Variants in ITFG1 observed in about 807,000 individuals in gnomAD.
ITFG1 encodes integrin alpha FG-GAP repeat containing 1, also known as T-cell immunomodulatory protein.
A neutral mutation model predicts 81.8 loss-of-function variants in ITFG1; 34 were observed. The observed-to-expected ratio is 0.42, with a 90% CI of 0.32 to 0.55. ITFG1 has a LOEUF of 0.55. Ranked by LOEUF, ITFG1 falls within the 20% of genes least tolerant of loss-of-function variation. The probability of loss-of-function intolerance (pLI) is 0.17; values close to 1 mark genes in which losing one functional copy is unlikely to be tolerated. For missense variants in ITFG1, 672 were observed against 755.4 expected, an observed-to-expected ratio of 0.89 and a Z score of 1.29; for synonymous variants, 285 against 270.6, an observed-to-expected ratio of 1.05 and a Z score of -0.52.
chr16:47,281,123 T>TG (rs1966447287), intron 10 of ITFG1, among the ~76,000 whole-genome samples: 1 of 152,140 alleles, frequency 6.6e-6, no homozygotes, highest in Non-Finnish European at 1.5e-5. Context: ...CTGGGTATCC[T>TG]GGGGACTGGA....
chr16:47,254,386 T>A (rs1156766948), intron 12 of ITFG1, among the ~76,000 whole-genome samples: 1 of 151,904 alleles, frequency 6.6e-6, no homozygotes, highest in Non-Finnish European at 1.5e-5. Context: ...TAGCATATTA[T>A]TATTATTATT....
intron 10 of ITFG1, among the ~76,000 whole-genome samples, chr16:47,277,826 T>C (rs138390532): frequency 4.0e-4 from 61 of 152,318 alleles, no homozygotes; most frequent in African/African-American, 1.3e-3. Flanking sequence ...ACTAAATTTC[T>C]TATTCTGTAA....
At chr16:47,434,595 T>C (rs1272530378) in intron 5 of ITFG1, among the ~76,000 whole-genome samples, 1 of 152,092 alleles carries the variant, frequency 6.6e-6, no homozygotes, top group Non-Finnish European at 1.5e-5. Context: ...TTTTACACTG[T>C]TGGTGGGAGT....
At chr16:47,352,873 C>A (rs1446200467) in intron 8 of ITFG1, among the ~76,000 whole-genome samples, 1 of 152,140 alleles carries the variant, frequency 6.6e-6, no homozygotes, top group Non-Finnish European at 1.5e-5. Flanking sequence ...GAATACTATG[C>A]AGCCATAAAA....
intron 5 of ITFG1, among the ~76,000 whole-genome samples, chr16:47,447,893 G>A (rs1226424739): frequency 2.0e-5 from 3 of 152,018 alleles, no homozygotes; most frequent in South Asian, 2.1e-4. Context: ...CTGATGTAAC[G>A]TTTCCATGGA....
chr16:47,408,465 A>C (rs1057119715), intron 6 of ITFG1, among the ~76,000 whole-genome samples: 5 of 152,220 alleles, frequency 3.3e-5, no homozygotes, highest in African/African-American at 1.2e-4. Flanking sequence ...ATGTAAAGTG[A>C]TATCTTTCCA....
intron 14 of ITFG1, among the ~76,000 whole-genome samples, chr16:47,177,552 T>C (rs995837222): frequency 3.9e-5 from 6 of 152,228 alleles, no homozygotes; most frequent in African/African-American, 1.4e-4. Context: ...TGTAAACTTT[T>C]AGAAAAGAAT....
rs763581458 is a variant in ITFG1, at chr16:47,260,685, C to G, written c.1081G>C (p.Ala361Pro). 5 of 1,614,038 alleles carry G rather than the reference C, an allele frequency of 3.1e-6. No homozygotes were observed. The African/African-American group carries it at 4.0e-5, about 13-fold the overall frequency. Residue 361 changes from alanine to proline, a missense_variant, in exon 11 of 18, where the codon GCC (alanine) becomes CCC (proline). This residue lies in a region of ITFG1 where 560 missense variants were observed against 625.7 expected (regional missense o/e 0.90). Coordinates refer to ENST00000320640, the MANE Select transcript of ITFG1 (RefSeq NM_030790.5). The part of the protein sequence containing the change: ...LKNTSGSNQQ[A>P]FLLENVPCNN... ...CAAGGGACGTTCTCCAGTAAAAAGGCCTGCTGGTTGCTGTGCGCCAAAGGA... is the reference window on the plus strand; with the variant it reads ...CAAGGGACGTTCTCCAGTAAAAAGGGCTGCTGGTTGCTGTGCGCCAAAGGA...
intron 5 of ITFG1, among the ~76,000 whole-genome samples, chr16:47,432,385 A>G (rs1181302213): frequency 2.0e-5 from 3 of 152,224 alleles, no homozygotes; most frequent in Non-Finnish European, 4.4e-5. Flanking sequence ...GGAAATCAGC[A>G]AGACACAATG....
At chr16:47,257,352 A>G (rs963934417) in intron 12 of ITFG1, among the ~76,000 whole-genome samples, 1 of 152,196 alleles carries the variant, frequency 6.6e-6, no homozygotes, top group Non-Finnish European at 1.5e-5. Flanking sequence ...ATGTGGAAGC[A>G]AAACTTAAAA....
intron 14 of ITFG1, among the ~76,000 whole-genome samples, chr16:47,216,583 A>G (rs1166685206): frequency 6.6e-6 from 1 of 152,210 alleles, no homozygotes; most frequent in Non-Finnish European, 1.5e-5. Context: ...ATCTCTTGAA[A>G]TTGTATTCCT....
chr16:47,451,878 T>C (rs1168749680), intron 4 of ITFG1, among the ~76,000 whole-genome samples: 1 of 152,238 alleles, frequency 6.6e-6, no homozygotes, highest in Admixed American at 6.5e-5. Context: ...CTTTGCATTA[T>C]CTAGACTACC....
intron 14 of ITFG1, among the ~76,000 whole-genome samples, chr16:47,214,910 C>T (rs1238247428): frequency 6.8e-6 from 1 of 146,900 alleles, no homozygotes; most frequent in South Asian, 2.1e-4. Flanking sequence ...TATGTTATTA[C>T]CCAGTGTGAA....
At chr16:47,409,867 C>T (rs942438831) in intron 6 of ITFG1, among the ~76,000 whole-genome samples, 1 of 151,700 alleles carries the variant, frequency 6.6e-6, no homozygotes, top group African/African-American at 2.4e-5. Context: ...ACCTGTTATG[C>T]AAAGTAAAAA....
At chr16:47,391,815 AT>A in intron 6 of ITFG1, among the ~76,000 whole-genome samples, 1 of 152,284 alleles carries the variant, frequency 6.6e-6, no homozygotes, top group Middle Eastern at 3.4e-3. Context: ...GAATTCAGTT[AT>A]ATTACCTTTG....
chr16:47,369,833 C>CTTTTTT lies in ITFG1; in HGVS notation c.721-3970_721-3965dup, dbSNP rs71134539. 1.3e-3 allele frequency among the ~76,000 whole-genome samples: 66 copies of CTTTTTT among 51,714 alleles called. 6 individuals are homozygous for CTTTTTT. The highest frequency in any genetic ancestry group is 2.7e-3 in the African/African-American group (35 of 12,818). The allele number at this position is 51,714 out of a possible 152,430, so 33.9% of individuals were successfully genotyped here. The stretch of plus-strand genomic sequence containing the variant: ...TCCTATTCAGAATATTCAATATCCT[C>CTTTTTT]TTTTTTTTTTTTTTTTTTTTTTTTG... On this transcript the variant is annotated intron_variant, in intron 7 of 17. Coordinates refer to ENST00000320640, the MANE Select transcript of ITFG1 (RefSeq NM_030790.5).
At chr16:47,172,539 C>T (rs1014110412) in intron 14 of ITFG1, among the ~76,000 whole-genome samples, 2 of 151,986 alleles carry the variant, frequency 1.3e-5, no homozygotes, top group Non-Finnish European at 2.9e-5. Context: ...TTTATTCCCC[C>T]TACCTGCTCT....
rs62060613 is a variant in ITFG1 at position 47,258,760 on chromosome 16, A to G, written c.1222-20T>C. The G allele has an allele frequency of 3.5e-4, 423 of 1,197,110 alleles. 1 individual carries two copies. The highest frequency in any genetic ancestry group is 4.6e-4 in the Non-Finnish European group (386 of 848,312). The allele number at this position is 1,197,110 out of a possible 1,614,324, so 74.2% of individuals were successfully genotyped here. ...GATTCCCTGGAAAAAAACAAACAAAAATGGTAAGAACAAACTATTAGACCA... is the reference window on the plus strand; with the variant it reads ...GATTCCCTGGAAAAAAACAAACAAAGATGGTAAGAACAAACTATTAGACCA... On this transcript the variant is annotated intron_variant, in intron 11 of 17. Coordinates refer to ENST00000320640, the MANE Select transcript of ITFG1 (RefSeq NM_030790.5).
intron 6 of ITFG1, among the ~76,000 whole-genome samples, chr16:47,387,669 C>T (rs1432230438): frequency 6.6e-6 from 1 of 152,132 alleles, no homozygotes; most frequent in African/African-American, 2.4e-5. Context: ...CCCACAAAGC[C>T]TCTTTATGTG....
Sources: gnomAD v4.1 joint callset for allele counts (sites outside exome capture counted in the v4.1 genomes callset) on GRCh38, gnomAD v4.1.1 for gene constraint, gnomAD v4.1.1 regional missense constraint, MANE v1.5 for transcripts, NCBI Gene and HGNC (gene_info 2026-07-23, HGNC 2026-07-21) for gene names.